The following CCDC146 variants were observed in gnomAD, a reference collection of about 807,000 sequenced individuals.
CCDC146 encodes the protein coiled-coil domain-containing protein 146.
CCDC146 carries 92 observed loss-of-function variants against 119.3 expected under a neutral mutation model. That is an observed-to-expected ratio of 0.77 (90% CI 0.65 to 0.92). The LOEUF is 0.92. Among genes scored for constraint, CCDC146 ranks in the 40% least tolerant of loss-of-function variants. CCDC146 has a pLI of 0.00. For synonymous variants in CCDC146, 372 were observed against 371.8 expected, an observed-to-expected ratio of 1.00 and a Z score of -0.01; for missense variants, 1,000 against 1,103.0, an observed-to-expected ratio of 0.91 and a Z score of 1.32.
intron 9 of CCDC146, among the ~76,000 whole-genome samples, chr7:77,270,403 C>T (rs1254854442): frequency 6.6e-6 from 1 of 151,558 alleles, no homozygotes; most frequent in Non-Finnish European, 1.5e-5. Flanking sequence ...AAATGCTACA[C>T]TATAAAAACT....
At chr7:77,233,059 C>T (rs1290708738) in intron 2 of CCDC146, among the ~76,000 whole-genome samples, 1 of 151,030 alleles carries the variant, frequency 6.6e-6, no homozygotes, top group Admixed American at 6.6e-5. Flanking sequence ...TTATTTTGAC[C>T]AGTTAAATCA....
intron 2 of CCDC146, among the ~76,000 whole-genome samples, chr7:77,172,139 T>C (rs2117496941): frequency 6.6e-6 from 1 of 152,336 alleles, no homozygotes; most frequent in East Asian, 1.9e-4. Flanking sequence ...TTTCGGAATA[T>C]TCAGAATTAT....
rs532967901 is a variant in CCDC146 at position 77,267,795 on chromosome 7, A to T, written c.1173+5488A>T. On this transcript the variant is annotated intron_variant, in intron 9 of 18. Coordinates refer to ENST00000285871, the MANE Select transcript of CCDC146 (RefSeq NM_020879.3). ...TTTTATAGTTTTCGGTGTGCTTATCAGTTCAATCCCAAATTCTTCTCCAAT... is the reference window on the plus strand; with the variant it reads ...TTTTATAGTTTTCGGTGTGCTTATCTGTTCAATCCCAAATTCTTCTCCAAT... Among the ~76,000 whole-genome samples the T allele has an allele frequency of 6.6e-5, 10 of 152,322 alleles. 1 individual carries two copies. In the South Asian group the frequency reaches 2.1e-3, roughly 32 times the overall value.
At position 77,253,957 on chromosome 7, in the gene CCDC146, T is replaced by G. The variant is rs985796447; in HGVS notation, c.450-549T>G. 1.2e-4 allele frequency among the ~76,000 whole-genome samples: 19 copies of G among 152,112 alleles called. 1 individual carries two copies. Among genetic ancestry groups the G allele is most frequent in the Non-Finnish European group, 2.9e-5 (2 of 68,020 alleles). ...GACAGAGAGTGGCAGGCTGTGAGAC[T>G]AGAGAGGCTGATGAGGCAGGGCCAT... is the stretch of plus-strand genomic sequence containing the variant. On this transcript the variant is annotated intron_variant, in intron 4 of 18. Transcript: ENST00000285871.
chr7:77,226,700 T>G (rs111929557), intron 2 of CCDC146, among the ~76,000 whole-genome samples: 3,980 of 152,356 alleles, frequency 0.026, 154 homozygotes, highest in African/African-American at 0.09. Flanking sequence ...GTGTATGCTC[T>G]TTGACAATTT....
chr7:77,266,072 A>G (rs990949130), intron 9 of CCDC146, among the ~76,000 whole-genome samples: 22 of 152,154 alleles, frequency 1.4e-4, no homozygotes, highest in Non-Finnish European at 1.2e-4. Flanking sequence ...GTGGCACTGA[A>G]AAGAAAGAAA....
At chr7:77,178,626 TCA>T (rs768537306) in intron 2 of CCDC146, among the ~76,000 whole-genome samples, 39 of 152,242 alleles carry the variant, frequency 2.6e-4, no homozygotes, top group Non-Finnish European at 3.2e-4. Flanking sequence ...ACAGTTTTAA[TCA>T]CCTCTTTATT....
intron 2 of CCDC146, among the ~76,000 whole-genome samples, chr7:77,207,171 G>A (rs1454189562): frequency 6.6e-6 from 1 of 152,116 alleles, no homozygotes; most frequent in African/African-American, 2.4e-5. Context: ...CCTCATCTAA[G>A]TTCTTCTAAG....
At chr7:77,203,953 T>G (rs1584070086) in intron 2 of CCDC146, among the ~76,000 whole-genome samples, 1 of 152,224 alleles carries the variant, frequency 6.6e-6, no homozygotes, top group East Asian at 1.9e-4. Context: ...AAAGTATATT[T>G]AAGAGAAGAT....
intron 1 of CCDC146, among the ~76,000 whole-genome samples, chr7:77,146,544 A>T (rs947944539): frequency 4.6e-5 from 7 of 152,122 alleles, no homozygotes; most frequent in Non-Finnish European, 8.8e-5. Context: ...GCAGTGGCTC[A>T]TACCAGTTGT....
intron 6 of CCDC146, among the ~76,000 whole-genome samples, chr7:77,256,798 A>G (rs570768308): frequency 1.3e-5 from 2 of 152,314 alleles, no homozygotes; most frequent in South Asian, 4.1e-4. Context: ...TCACAAACAC[A>G]ATTGTTTCCT....
chr7:77,259,575 A>G (rs1327807978), intron 7 of CCDC146, among the ~76,000 whole-genome samples: 1 of 152,222 alleles, frequency 6.6e-6, no homozygotes, highest in Non-Finnish European at 1.5e-5. Context: ...AGATACAAAA[A>G]TTCTGGAAAA....
chr7:77,235,975 G>T (rs1203500059), intron 2 of CCDC146, among the ~76,000 whole-genome samples: 2 of 152,016 alleles, frequency 1.3e-5, no homozygotes, highest in Non-Finnish European at 2.9e-5. Context: ...GGAGGCTGAG[G>T]TACGAGAATC....
intron 1 of CCDC146, among the ~76,000 whole-genome samples, chr7:77,156,272 G>A (rs1791178435): frequency 6.6e-6 from 1 of 152,176 alleles, no homozygotes; most frequent in Non-Finnish European, 1.5e-5. Flanking sequence ...CGTTTGTGTG[G>A]TTTTAATTGA....
At chr7:77,250,973 T>TTTTG (rs1793047604) in intron 4 of CCDC146, among the ~76,000 whole-genome samples, 1 of 114,650 alleles carries the variant, frequency 8.7e-6, no homozygotes, top group Non-Finnish European at 1.8e-5. Flanking sequence ...TCTCTGGTAT[T>TTTTG]TGTGTGTGTG....
At chr7:77,174,868 G>T (rs1054798626) in intron 2 of CCDC146, among the ~76,000 whole-genome samples, 4 of 152,146 alleles carry the variant, frequency 2.6e-5, no homozygotes, top group Admixed American at 1.3e-4. Context: ...AACTTATCTT[G>T]GGTATATACA....
At chr7:77,248,280 G>C (rs1256868063) in intron 4 of CCDC146, among the ~76,000 whole-genome samples, 1 of 152,166 alleles carries the variant, frequency 6.6e-6, no homozygotes, top group Non-Finnish European at 1.5e-5. Context: ...AGGGTGGGAG[G>C]ACAGAAGGAG....
chr7:77,200,333 G>A (rs1167702415), intron 2 of CCDC146, among the ~76,000 whole-genome samples: 1 of 152,174 alleles, frequency 6.6e-6, no homozygotes, highest in Non-Finnish European at 1.5e-5. Flanking sequence ...GTGTAACAAA[G>A]TACAGCTTTC....
rs1218419893 is a variant in CCDC146 at position 77,287,626 on chromosome 7, C to T, written c.2415+49C>T. ...CCCTTCTGCCCCTGCTCCTTTATTA[C>T]CTTTTATTTTCCACAGACCGACAGA... On this transcript the variant is annotated intron_variant, in intron 17 of 18. Transcript: ENST00000285871. 3 of 1,581,274 alleles carry T rather than the reference C, an allele frequency of 1.9e-6. No individual in the cohort carries two copies. In the East Asian group the frequency reaches 6.8e-5, roughly 36 times the overall value.
Sources: allele counts gnomAD v4.1 joint callset (sites outside exome capture counted in the v4.1 genomes callset), GRCh38; gene constraint gnomAD v4.1.1; transcripts MANE v1.5; gene names NCBI Gene and HGNC (gene_info 2026-07-23, HGNC 2026-07-21).